Variants in TWF1 observed in about 807,000 individuals in gnomAD.
The protein encoded by TWF1 is twinfilin actin binding protein 1.
A neutral mutation model predicts 47.9 loss-of-function variants in TWF1; 14 were observed. The ratio of observed to expected loss-of-function variants is 0.29; its 90% confidence interval spans 0.19 to 0.46. The LOEUF (loss-of-function observed/expected upper bound fraction) is 0.46. Ranked by LOEUF, TWF1 falls within the 20% of genes least tolerant of loss-of-function variation. TWF1 has a pLI of 1.00. For missense variants in TWF1, 281 were observed against 409.3 expected (o/e 0.69, Z 2.70); for synonymous variants, 96 against 139.2 (o/e 0.69, Z 2.18).
At chr12:43,798,187 T>C (rs866326173) in intron 5 of TWF1, among the ~76,000 whole-genome samples, 1 of 152,088 alleles carries the variant, frequency 6.6e-6, no homozygotes, top group Non-Finnish European at 1.5e-5. Flanking sequence ...CTACATACAA[T>C]ATGTATAGAA....
chr12:43,805,815 G>C (rs1356809609), intron 1 of TWF1: 5 of 1,371,808 alleles, frequency 3.6e-6, no homozygotes, highest in Admixed American at 1.9e-5. Flanking sequence ...TTTGGACCAT[G>C]AAAAAGAAAA....
At chr12:43,805,419 G>T in intron 1 of TWF1, 1 of 384,128 alleles carries the variant, frequency 2.6e-6, no homozygotes, top group Non-Finnish European at 5.3e-6. Context: ...TCATCTGGGA[G>T]AAAGACTCGC....
chr12:43,798,488 A>T, intron 5 of TWF1: 2 of 1,400,256 alleles, frequency 1.4e-6, no homozygotes, highest in Non-Finnish European at 1.9e-6. Flanking sequence ...TTTTACTTTT[A>T]AAAAAATGAA....
rs772109830 is a variant in TWF1 at position 43,797,140 on chromosome 12, CATAAACTTCATAAAACTACATAT to C, written c.761-66_761-44del. 1.5e-5 allele frequency: 23 copies of C among 1,526,980 alleles called. No homozygotes were observed. In the African/African-American group the frequency reaches 3.1e-4, roughly 20 times the overall value. 94.6% of individuals were successfully genotyped at this position (1,526,980 alleles called of 1,614,324 possible). ...AACAAATATAATTAGCATATCAATA[CATAAACTTCATAAAACTACATAT>C]ATAAACTTCATAAAAACAAGTACAG... is the stretch of plus-strand genomic sequence containing the variant. On this transcript the variant is annotated intron_variant, in intron 7 of 8. Transcript: ENST00000395510.
At chr12:43,804,333 C>T in intron 2 of TWF1, 162 bp downstream of exon 2, 2 of 596,368 alleles carry the variant, frequency 3.4e-6, no homozygotes, top group South Asian at 1.8e-5. Flanking sequence ...AAATTAGGGG[C>T]CCATAGGGAC....
rs1476342733 is a variant in TWF1 at position 43,797,377 on chromosome 12, T to C, written c.685A>G (p.Ile229Val). ...TGGTAACGAGCTGAATCCTTGGGAATCCTCTTTGGCAAATCTTTCAGTTCT... is the reference window on the plus strand; with the variant it reads ...TGGTAACGAGCTGAATCCTTGGGAACCCTCTTTGGCAAATCTTTCAGTTCT... Reference protein sequence around the residue: ...NTELKDLPKRIPKDSARYHFF... With the variant: ...NTELKDLPKRVPKDSARYHFF... Residue 229 changes from isoleucine to valine, a missense_variant, in exon 7 of 9, where the codon ATT becomes GTT. By Grantham distance (29) the Ile-to-Val change is conservative. Transcript: ENST00000395510. 1 of 1,605,512 alleles carries C rather than the reference T, an allele frequency of 6.2e-7. No homozygotes were observed. The highest frequency in any genetic ancestry group is 1.7e-5 in the Admixed American group (1 of 59,334).
intron 8 of TWF1, among the ~76,000 whole-genome samples, chr12:43,796,479 A>G (rs1432219973): frequency 6.6e-6 from 1 of 152,152 alleles, no homozygotes; most frequent in East Asian, 1.9e-4. Flanking sequence ...CCAAAATTCA[A>G]ATGTTTATGC....
At chr12:43,805,458 T>G (rs183830977) in intron 1 of TWF1, 4 of 441,648 alleles carry the variant, frequency 9.1e-6, no homozygotes, top group African/African-American at 2.0e-5. Flanking sequence ...GAGTTTACAC[T>G]AGAACTCGTT....
chr12:43,801,415 G>A (rs1942659388), intron 3 of TWF1, among the ~76,000 whole-genome samples: 1 of 152,090 alleles, frequency 6.6e-6, no homozygotes, highest in South Asian at 2.1e-4. Context: ...GGAATGGGAT[G>A]ATCTTTTGAG....
At position 43,793,951 on chromosome 12, in the gene TWF1, TCA is replaced by T. The variant is rs1181972855; in HGVS notation, c.*1632_*1633del. ...AATAATAATTAGTTTAAGACTATAATCACATCTATATTCTGGAATGTCCATTT... is the reference window on the plus strand; with the variant it reads ...AATAATAATTAGTTTAAGACTATAATCATCTATATTCTGGAATGTCCATTT... On this transcript the variant is annotated 3_prime_UTR_variant, in exon 9 of 9. Transcript: ENST00000395510. 5 of 152,662 alleles carry T rather than the reference TCA, an allele frequency of 3.3e-5. No homozygotes were observed. The highest frequency in any genetic ancestry group is 1.2e-4 in the African/African-American group (5 of 41,464). The allele number at this position is 152,662 out of a possible 1,614,324, so 9.5% of individuals were successfully genotyped here.
chr12:43,800,407 A>C, intron 4 of TWF1, 28 bp downstream of exon 4: 1 of 1,551,112 alleles, frequency 6.4e-7, no homozygotes. Context: ...TAATTGCAAC[A>C]TATAGAATCC....
intron 8 of TWF1, 90 bp downstream of exon 8, chr12:43,796,886 T>G (rs756052945): frequency 8.1e-5 from 109 of 1,347,852 alleles, no homozygotes; most frequent in Non-Finnish European, 1.1e-4. Flanking sequence ...AATAAATATT[T>G]TCATTTATAA....
At chr12:43,802,516 G>A (rs753642378) in intron 2 of TWF1, 52 bp from the exon 3 acceptor site, 5 of 1,331,210 alleles carry the variant, frequency 3.8e-6, no homozygotes, top group Non-Finnish European at 5.3e-6. Context: ...GATATCAAGT[G>A]GTAGTGTGAT....
chr12:43,795,451 G>A lies in TWF1; in HGVS notation c.*134C>T. 1.4e-6 allele frequency: 1 copy of A among 690,326 alleles called. No homozygotes were observed. The highest frequency in any genetic ancestry group is 2.7e-5 in the East Asian group (1 of 36,746). The allele number at this position is 690,326 out of a possible 1,614,324, so 42.8% of individuals were successfully genotyped here. On this transcript the variant is annotated 3_prime_UTR_variant, in exon 9 of 9. Coordinates refer to ENST00000395510, the MANE Select transcript of TWF1 (RefSeq NM_002822.5). ...ATAACATTAATTTTAAAAACACACA[G>A]AAGTGAAAAGTGCTATTTTCCAAAA...
chr12:43,797,266 C>T, intron 7 of TWF1, 36 bp downstream of exon 7: 1 of 1,545,288 alleles, frequency 6.5e-7, no homozygotes, highest in African/African-American at 1.4e-5. Context: ...AATAAACAAA[C>T]TGAAAGTAAT....
rs373297018 is a variant in TWF1 at position 43,795,568 on chromosome 12, T to C, written c.*17A>G. ...GACTTTTAAAAAACTAGTATTACAA[T>C]GTTTAATGTGATGACTTTAATCAGT... On this transcript the variant is annotated 3_prime_UTR_variant, in exon 9 of 9. Coordinates refer to ENST00000395510, the MANE Select transcript of TWF1 (RefSeq NM_002822.5). 1 of 1,606,722 alleles carries C rather than the reference T, an allele frequency of 6.2e-7. No individual in the cohort carries two copies.
intron 1 of TWF1, among the ~76,000 whole-genome samples, chr12:43,805,220 T>C (rs1244207912): frequency 3.3e-5 from 5 of 152,232 alleles, no homozygotes; most frequent in Non-Finnish European, 5.9e-5. Flanking sequence ...AGAACCACTA[T>C]GTAAGTAGGT....
chr12:43,806,162 C>A, intron 1 of TWF1, 59 bp downstream of exon 1: 1 of 1,535,016 alleles, frequency 6.5e-7, no homozygotes, highest in South Asian at 1.2e-5. Context: ...TGCAGCCCTC[C>A]CGGCTCTCCC....
intron 8 of TWF1, among the ~76,000 whole-genome samples, chr12:43,795,985 T>TA (rs1942542926): frequency 6.6e-6 from 1 of 152,162 alleles, no homozygotes; most frequent in African/African-American, 2.4e-5. Flanking sequence ...TGCTCCAGTT[T>TA]AAATAATGTT....
Sources: gnomAD v4.1 joint callset for allele counts (sites outside exome capture counted in the v4.1 genomes callset) on GRCh38, gnomAD v4.1.1 for gene constraint, MANE v1.5 for transcripts, NCBI Gene and HGNC (gene_info 2026-07-23, HGNC 2026-07-21) for gene names.